SCARA5: variants seen among roughly 807,000 people sequenced by gnomAD.
The protein encoded by SCARA5 is scavenger receptor class A, member 5 (putative).
In SCARA5, 45 loss-of-function variants were observed where a neutral mutation model predicts 46.3. That is an observed-to-expected ratio of 0.97 (90% CI 0.76 to 1.24). The LOEUF is 1.24. SCARA5 is among the 50% of genes most tolerant of loss of function. The pLI is 0.00. For missense variants in SCARA5, 680 were observed against 689.0 expected, an observed-to-expected ratio of 0.99 and a Z score of 0.15; for synonymous variants, 333 against 306.5, an observed-to-expected ratio of 1.09 and a Z score of -0.90.
In SCARA5 at chr8:27,976,095, C is replaced by G. The variant is rs79266420; in HGVS notation, c.113-9553G>C. Among the ~76,000 whole-genome samples the G allele has an allele frequency of 7.9e-5, 12 of 151,284 alleles. No individual in the cohort carries two copies. The East Asian group carries it at 1.2e-3, about 15-fold the overall frequency. Reference sequence around the variant, plus strand: ...GTGCTTGTTTTTGGGAAGGGATGCCCGGTGTGCGTCTTCTTCCGCAGCCGG... The same window carrying G: ...GTGCTTGTTTTTGGGAAGGGATGCCGGGTGTGCGTCTTCTTCCGCAGCCGG... On this transcript the variant is annotated intron_variant, in intron 2 of 8. Coordinates refer to ENST00000354914, the MANE Select transcript of SCARA5 (RefSeq NM_173833.6).
At position 27,871,292 on chromosome 8, in the gene SCARA5, T is replaced by C. The variant is rs1288588909; in HGVS notation, c.*642A>G. The C allele has an allele frequency of 3.1e-5, 9 of 290,636 alleles. No individual in the cohort carries two copies. Among genetic ancestry groups the C allele is most frequent in the Non-Finnish European group, 4.1e-5 (8 of 194,600 alleles). 18.0% of individuals were successfully genotyped at this position (290,636 alleles called of 1,614,324 possible). ...ACCCAAGATACTATTTAGCGTGCCATGGTAGTCATTCAATGTTAGTTTCAT... is the reference window on the plus strand; with the variant it reads ...ACCCAAGATACTATTTAGCGTGCCACGGTAGTCATTCAATGTTAGTTTCAT... On this transcript the variant is annotated 3_prime_UTR_variant, in exon 9 of 9. Transcript: ENST00000354914.
At chr8:27,984,529 T>TATCCATTCATTCATCCATCC (rs1563202265) in intron 2 of SCARA5, among the ~76,000 whole-genome samples, 3 of 149,782 alleles carry the variant, frequency 2.0e-5, no homozygotes, top group African/African-American at 7.3e-5. Context: ...TTCATCCATC[T>TATCCATTCATTCATCCATCC]ATCCATTCAT....
At chr8:27,926,102 T>C (rs982268761) in intron 3 of SCARA5, among the ~76,000 whole-genome samples, 1 of 152,208 alleles carries the variant, frequency 6.6e-6, no homozygotes, top group African/African-American at 2.4e-5. Context: ...TTACTGGGTA[T>C]ACACCCAAAG....
chr8:27,978,510 T>C (rs1808562127), intron 2 of SCARA5, among the ~76,000 whole-genome samples: 2 of 151,914 alleles, frequency 1.3e-5, no homozygotes, highest in African/African-American at 4.8e-5. Flanking sequence ...ATCTTATTTA[T>C]TTATTTATTT....
intron 7 of SCARA5, among the ~76,000 whole-genome samples, chr8:27,880,102 C>A (rs1473505295): frequency 6.6e-6 from 1 of 152,068 alleles, no homozygotes; most frequent in African/African-American, 2.4e-5. Context: ...GGAAAGGACT[C>A]CCTATTCAAT....
intron 2 of SCARA5, among the ~76,000 whole-genome samples, chr8:27,984,500 TCATTCATCTATC>T (rs1486061100): frequency 6.6e-6 from 1 of 152,202 alleles, no homozygotes; most frequent in Non-Finnish European, 1.5e-5. Flanking sequence ...ATTTATTTAT[TCATTCATCTATC>T]CATTCATTCA....
intron 2 of SCARA5, among the ~76,000 whole-genome samples, chr8:27,971,870 T>C (rs1002195973): frequency 1.3e-5 from 2 of 152,110 alleles, no homozygotes; most frequent in South Asian, 2.1e-4. Flanking sequence ...CATCCTCCCC[T>C]GCATACAGCC....
At chr8:27,987,763 G>C in intron 1 of SCARA5, 133 bp from the exon 2 acceptor site, 1 of 616,400 alleles carries the variant, frequency 1.6e-6, no homozygotes, top group Non-Finnish European at 2.9e-6. Flanking sequence ...TGAACACCGG[G>C]ACCCTCTGCT....
chr8:27,946,476 G>A (rs1378675435), intron 3 of SCARA5, among the ~76,000 whole-genome samples: 1 of 152,220 alleles, frequency 6.6e-6, no homozygotes, highest in African/African-American at 2.4e-5. Context: ...ACCACGGATA[G>A]AGAGAGGACT....
chr8:27,932,357 G>A (rs1807788519), intron 3 of SCARA5, among the ~76,000 whole-genome samples: 1 of 152,202 alleles, frequency 6.6e-6, no homozygotes, highest in Non-Finnish European at 1.5e-5. Context: ...AACTACTGTC[G>A]ATCTTCTGTG....
intron 2 of SCARA5, among the ~76,000 whole-genome samples, chr8:27,976,307 C>T (rs1485325243): frequency 2.0e-5 from 3 of 152,104 alleles, no homozygotes; most frequent in Non-Finnish European, 2.9e-5. Context: ...AGAAGCTATG[C>T]GGCATCAATG....
chr8:27,936,591 T>TAAAA (rs1563531697), intron 3 of SCARA5, among the ~76,000 whole-genome samples: 1 of 2,870 alleles, frequency 3.5e-4, no homozygotes, highest in Non-Finnish European at 1.7e-3. Context: ...TGTGTCTCCA[T>TAAAA]TAAAAAAAAA....
intron 3 of SCARA5, among the ~76,000 whole-genome samples, chr8:27,955,563 G>A (rs964246624): frequency 2.6e-5 from 4 of 152,266 alleles, no homozygotes; most frequent in African/African-American, 7.2e-5. Context: ...CCATCTGCCT[G>A]GAGGTCCCAG....
At chr8:27,900,567 G>A (rs1442058564) in intron 7 of SCARA5, among the ~76,000 whole-genome samples, 1 of 152,100 alleles carries the variant, frequency 6.6e-6, no homozygotes, top group Non-Finnish European at 1.5e-5. Flanking sequence ...TCACCCTGGT[G>A]TCATCTGCAT....
chr8:27,988,214 C>A (rs1004870380), intron 1 of SCARA5, among the ~76,000 whole-genome samples: 2 of 152,148 alleles, frequency 1.3e-5, no homozygotes, highest in African/African-American at 4.8e-5. Context: ...AGGACCACAG[C>A]AGGGATTCAT....
intron 3 of SCARA5, among the ~76,000 whole-genome samples, chr8:27,955,015 A>T (rs1453014325): frequency 6.6e-6 from 1 of 152,206 alleles, no homozygotes. Flanking sequence ...AGCGGAACTC[A>T]GCATGGTGGG....
chr8:27,924,715 C>T (rs1807653796), intron 3 of SCARA5, among the ~76,000 whole-genome samples: 1 of 152,200 alleles, frequency 6.6e-6, no homozygotes, highest in Non-Finnish European at 1.5e-5. Context: ...TTGCAGATGA[C>T]ATGATTGTAT....
chr8:27,991,991 G>A (rs1808793980), intron 1 of SCARA5, among the ~76,000 whole-genome samples: 1 of 152,172 alleles, frequency 6.6e-6, no homozygotes, highest in Admixed American at 6.5e-5. Context: ...GAGTCAGGTG[G>A]AGTAGCCACC....
At chr8:27,899,999 A>G (rs1248988122) in intron 7 of SCARA5, among the ~76,000 whole-genome samples, 1 of 152,154 alleles carries the variant, frequency 6.6e-6, no homozygotes, top group African/African-American at 2.4e-5. Flanking sequence ...TTAGCTGGGC[A>G]TGATGGCATG....
Sources: allele counts gnomAD v4.1 joint callset (sites outside exome capture counted in the v4.1 genomes callset), GRCh38; gene constraint gnomAD v4.1.1; transcripts MANE v1.5; gene names NCBI Gene and HGNC (gene_info 2026-07-23, HGNC 2026-07-21).